RBMS3: variants seen among roughly 807,000 people sequenced by gnomAD.
RBMS3 encodes the protein RNA binding motif single stranded interacting protein 3.
RBMS3 carries 27 observed loss-of-function variants against 66.8 expected under a neutral mutation model. The observed-to-expected ratio is 0.40, with a 90% confidence interval of 0.30 to 0.56. The LOEUF (loss-of-function observed/expected upper bound fraction) is 0.56. RBMS3 is among the 20% of genes least tolerant of loss of function. The pLI is 0.40. For missense variants in RBMS3, 513 were observed against 549.5 expected, an observed-to-expected ratio of 0.93 and a Z score of 0.66; for synonymous variants, 188 against 183.0, an observed-to-expected ratio of 1.03 and a Z score of -0.22.
intron 4 of RBMS3, among the ~76,000 whole-genome samples, chr3:29,610,261 A>G (rs561839761): frequency 7.9e-5 from 12 of 152,184 alleles, no homozygotes; most frequent in Admixed American, 2.6e-4. Context: ...ATCAGCTAGA[A>G]ACAGTAGCAA....
intron 6 of RBMS3, among the ~76,000 whole-genome samples, chr3:29,822,542 G>T (rs1236079816): frequency 6.6e-6 from 1 of 151,926 alleles, no homozygotes; most frequent in African/African-American, 2.4e-5. Flanking sequence ...GATTATTTTG[G>T]CTTTCGATTG....
rs9853000 is a variant in RBMS3 at position 29,926,324 on chromosome 3, A to T, written c.940-9762A>T. 7.2e-3 allele frequency among the ~76,000 whole-genome samples: 1,102 copies of T among 152,314 alleles called. 17 individuals carry two copies. Among genetic ancestry groups the T allele is most frequent in the African/African-American group, 0.025 (1,052 of 41,556 alleles). On this transcript the variant is annotated intron_variant, in intron 10 of 14. Transcript: ENST00000383767. Reference sequence around the variant, plus strand: ...GCCCTAACCAGGCAAATTCCTAAAAATATCTTAAAGGAGAAAAATATTCTC... The same window carrying T: ...GCCCTAACCAGGCAAATTCCTAAAATTATCTTAAAGGAGAAAAATATTCTC...
intron 4 of RBMS3, among the ~76,000 whole-genome samples, chr3:29,610,919 T>A (rs1052381628): frequency 7.2e-5 from 11 of 152,014 alleles, no homozygotes; most frequent in Non-Finnish European, 5.9e-5. Flanking sequence ...TTTCTGCCTT[T>A]CCTTAAGGGA....
chr3:29,327,665 G>C (rs2035418443), intron 1 of RBMS3, among the ~76,000 whole-genome samples: 1 of 152,186 alleles, frequency 6.6e-6, no homozygotes, highest in Non-Finnish European at 1.5e-5. Flanking sequence ...AGAATGATTT[G>C]ATGGTGTGTG....
chr3:29,754,453 A>G (rs2055319471), intron 5 of RBMS3, among the ~76,000 whole-genome samples: 1 of 152,206 alleles, frequency 6.6e-6, no homozygotes, highest in Non-Finnish European at 1.5e-5. Context: ...ATGTTCAACC[A>G]AGAATGGAGC....
chr3:29,739,283 C>T (rs899221596), intron 4 of RBMS3, among the ~76,000 whole-genome samples: 17 of 151,856 alleles, frequency 1.1e-4, no homozygotes, highest in East Asian at 5.8e-4. Context: ...GGTGAAACCC[C>T]GTCTCTACTA....
intron 6 of RBMS3, among the ~76,000 whole-genome samples, chr3:29,867,052 T>C (rs762523416): frequency 9.9e-5 from 15 of 152,158 alleles, no homozygotes; most frequent in South Asian, 2.1e-4. Context: ...TTGCTGCTAA[T>C]AGTGAGCTAA....
At chr3:29,747,004 G>A (rs2054929603) in intron 5 of RBMS3, among the ~76,000 whole-genome samples, 1 of 152,154 alleles carries the variant, frequency 6.6e-6, no homozygotes, top group Admixed American at 6.5e-5. Flanking sequence ...TATGCTCAGG[G>A]CTCATAACAT....
intron 6 of RBMS3, among the ~76,000 whole-genome samples, chr3:29,853,362 C>G (rs1233579309): frequency 6.7e-6 from 1 of 149,124 alleles, no homozygotes; most frequent in Non-Finnish European, 1.5e-5. Flanking sequence ...TTTCCTTTAA[C>G]AAGTTCATCT....
At position 29,901,179 on chromosome 3, in the gene RBMS3, C is replaced by T. The variant is rs1317195993; in HGVS notation, c.939+1424C>T. Reference sequence around the variant, plus strand: ...ACCACTATGCAACAAATCCAGGCTACACTTTTCTGTCCAAGTCATAAGGTA... The same window carrying T: ...ACCACTATGCAACAAATCCAGGCTATACTTTTCTGTCCAAGTCATAAGGTA... On this transcript the variant is annotated intron_variant, in intron 10 of 14. Coordinates refer to ENST00000383767, the MANE Select transcript of RBMS3 (RefSeq NM_001003793.3). 2.6e-5 allele frequency among the ~76,000 whole-genome samples: 4 copies of T among 151,720 alleles called. No homozygotes were observed. The East Asian group carries it at 5.8e-4, about 22-fold the overall frequency.
intron 4 of RBMS3, among the ~76,000 whole-genome samples, chr3:29,606,848 C>G (rs1410123820): frequency 1.3e-5 from 2 of 151,890 alleles, no homozygotes; most frequent in African/African-American, 2.4e-5. Context: ...AAATTCTATC[C>G]ATCAATGTGC....
At chr3:29,668,250 C>A (rs1233060408) in intron 4 of RBMS3, among the ~76,000 whole-genome samples, 1 of 152,168 alleles carries the variant, frequency 6.6e-6, no homozygotes, top group African/African-American at 2.4e-5. Flanking sequence ...ATTGCTACTT[C>A]CCCTAAGGTT....
intron 8 of RBMS3, among the ~76,000 whole-genome samples, chr3:29,887,836 A>G (rs1016821116): frequency 6.6e-6 from 1 of 151,762 alleles, no homozygotes; most frequent in Non-Finnish European, 1.5e-5. Flanking sequence ...CTAATGCGCA[A>G]TTTAAAATTC....
intron 4 of RBMS3, among the ~76,000 whole-genome samples, chr3:29,599,380 A>G (rs1666391318): frequency 6.6e-6 from 1 of 151,716 alleles, no homozygotes. Context: ...TAATCCTACT[A>G]TGCACCCACA....
At chr3:29,929,457 A>T (rs1378750821) in intron 10 of RBMS3, among the ~76,000 whole-genome samples, 6 of 152,220 alleles carry the variant, frequency 3.9e-5, no homozygotes, top group African/African-American at 1.4e-4. Flanking sequence ...ACACTATTAT[A>T]TTAATAGGTA....
chr3:29,690,112 ATTATAT>A (rs1231685158), intron 4 of RBMS3, among the ~76,000 whole-genome samples: 4 of 151,778 alleles, frequency 2.6e-5, no homozygotes, highest in Admixed American at 2.6e-4. Flanking sequence ...AATAATATAA[ATTATAT>A]TTATAAGAGA....
At chr3:29,849,809 G>T (rs1268090039) in intron 6 of RBMS3, among the ~76,000 whole-genome samples, 1 of 152,146 alleles carries the variant, frequency 6.6e-6, no homozygotes, top group African/African-American at 2.4e-5. Context: ...GAATGAGAAT[G>T]CATCTCACCT....
At chr3:29,919,870 C>T (rs2060725756) in intron 10 of RBMS3, among the ~76,000 whole-genome samples, 1 of 152,356 alleles carries the variant, frequency 6.6e-6, no homozygotes, top group Admixed American at 6.5e-5. Context: ...TTTGCTCCCA[C>T]ATTGTTCACA....
intron 10 of RBMS3, 149 bp from the exon 11 acceptor site, chr3:29,935,937 A>G: frequency 4.8e-6 from 3 of 625,340 alleles, no homozygotes; most frequent in Non-Finnish European, 8.3e-6. Flanking sequence ...ATGAATGGAC[A>G]TAAAAATTAT....
Sources: allele counts gnomAD v4.1 joint callset (sites outside exome capture counted in the v4.1 genomes callset), GRCh38; gene constraint gnomAD v4.1.1; transcripts MANE v1.5; gene names NCBI Gene and HGNC (gene_info 2026-07-23, HGNC 2026-07-21).